DIXDC1: variants seen among roughly 807,000 people sequenced by gnomAD.
DIXDC1 encodes dixin.
Under a neutral mutation model 103.1 loss-of-function variants are expected in DIXDC1, and 64 were observed. That is an observed-to-expected ratio of 0.62 (90% CI 0.51 to 0.76). DIXDC1 has a LOEUF of 0.76. Ranked by LOEUF, DIXDC1 falls within the 30% of genes least tolerant of loss-of-function variation. The pLI is 0.00. For missense variants in DIXDC1, 759 were observed against 834.2 expected (o/e 0.91, Z 1.11); for synonymous variants, 266 against 298.5 (o/e 0.89, Z 1.12).
chr11:111,935,760 T>C (rs1966168408), upstream of DIXDC1, among the ~76,000 whole-genome samples: 1 of 152,228 alleles, frequency 6.6e-6, no homozygotes, highest in Non-Finnish European at 1.5e-5. Context: ...TGAAGGACAG[T>C]GGTCTTTGGA....
Position 111,952,074 on chromosome 11 carries a change from C to T in DIXDC1, c.61-12475C>T, listed in dbSNP as rs193299249. Reference sequence around the variant, plus strand: ...ACAGATGGGGTTTCACCATGTTGGGCAGGCTGGTCTTGAACTCCTGACCTC... The same window carrying T: ...ACAGATGGGGTTTCACCATGTTGGGTAGGCTGGTCTTGAACTCCTGACCTC... On this transcript the variant is annotated intron_variant, in intron 1 of 19. Transcript: ENST00000440460. Among the ~76,000 whole-genome samples the T allele has an allele frequency of 2.7e-3, 404 of 152,204 alleles. 4 individuals are homozygous for T. The highest frequency in any genetic ancestry group is 9.3e-3 in the African/African-American group (386 of 41,512).
intron 1 of DIXDC1, among the ~76,000 whole-genome samples, chr11:111,964,295 A>C (rs1859658861): frequency 6.6e-6 from 1 of 152,244 alleles, no homozygotes; most frequent in Non-Finnish European, 1.5e-5. Context: ...TCATCTGCTT[A>C]TGTGTGTCTA....
At chr11:111,962,709 G>A (rs1267187438) in intron 1 of DIXDC1, among the ~76,000 whole-genome samples, 2 of 152,186 alleles carry the variant, frequency 1.3e-5, no homozygotes, top group Non-Finnish European at 2.9e-5. Flanking sequence ...GCAGGAATGT[G>A]TGGAGGGTGG....
chr11:111,963,806 T>C (rs587604930), intron 1 of DIXDC1, among the ~76,000 whole-genome samples: 2 of 152,330 alleles, frequency 1.3e-5, no homozygotes, highest in East Asian at 3.9e-4. Context: ...TTTCTGATAA[T>C]ACTGGGCCCT....
In DIXDC1 at chr11:111,995,072, G is replaced by T. The variant is rs377409061; in HGVS notation, c.1491G>T (p.Thr497=). ...NSQSNGFLLP[T]AGKGATSVSN... ...AAAGCAATGGTTTTCTCCTTCCAAC[G>T]GCAGGAAAAGGAGCTACTTCAGTCA... Residue 497 remains threonine (T), a synonymous_variant, in exon 15 of 20, where the codon ACG becomes ACT. Coordinates refer to ENST00000440460, the MANE Select transcript of DIXDC1 (RefSeq NM_001037954.4). 6.2e-7 allele frequency: 1 copy of T among 1,613,684 alleles called. No individual in the cohort carries two copies. Among genetic ancestry groups the T allele is most frequent in the Non-Finnish European group, 8.5e-7 (1 of 1,179,888 alleles).
chr11:111,931,542 C>CTG (rs1367722417), intron 2 of DIXDC1, among the ~76,000 whole-genome samples: 1 of 151,758 alleles, frequency 6.6e-6, no homozygotes, highest in African/African-American at 2.4e-5. Flanking sequence ...GCTCGAGAGG[C>CTG]TGAGGCAGGA....
In DIXDC1 at chr11:111,986,896, A is replaced by G. The variant is rs1555173917; in HGVS notation, c.1034A>G (p.Gln345Arg). The G allele has an allele frequency of 1.9e-6, 3 of 1,576,054 alleles. No homozygotes were observed. Among genetic ancestry groups the G allele is most frequent in the South Asian group, 1.2e-5 (1 of 86,054 alleles). ...QLIIIQSRLD[Q>R]SMEENQDLKK... Reference sequence around the variant, plus strand: ...ATTATAATCCAAAGTCGTCTGGATCAGAGTATGGAGGAGAATCAGGACTTA... The same window carrying G: ...ATTATAATCCAAAGTCGTCTGGATCGGAGTATGGAGGAGAATCAGGACTTA... Residue 345 changes from glutamine (Q) to arginine (R), a missense_variant, in exon 9 of 20, where the codon CAG becomes CGG. Transcript: ENST00000440460.
chr11:112,005,878 G>A (rs1354690165), intron 17 of DIXDC1, among the ~76,000 whole-genome samples: 2 of 152,214 alleles, frequency 1.3e-5, no homozygotes, highest in Admixed American at 6.5e-5. Context: ...GGTGGCTTAT[G>A]ACTATAATCC....
chr11:111,949,724 C>T lies in DIXDC1; in HGVS notation c.60+12165C>T, dbSNP rs1293952594. 2.0e-4 allele frequency among the ~76,000 whole-genome samples: 31 copies of T among 152,242 alleles called. No homozygotes were observed. The South Asian group carries it at 2.1e-3, about 10-fold the overall frequency. On this transcript the variant is annotated intron_variant, in intron 1 of 19. Coordinates refer to ENST00000440460, the MANE Select transcript of DIXDC1 (RefSeq NM_001037954.4). ...AACATTATCACCTGCTCCGCCCACACGCTACCCCCTCAACTGGCTGTTCCT... is the reference window on the plus strand; with the variant it reads ...AACATTATCACCTGCTCCGCCCACATGCTACCCCCTCAACTGGCTGTTCCT...
chr11:111,960,333 C>T (rs1356249516), intron 1 of DIXDC1, among the ~76,000 whole-genome samples: 2 of 151,640 alleles, frequency 1.3e-5, no homozygotes, highest in Admixed American at 6.6e-5. Context: ...CAGTGGCTCA[C>T]GCCTGTAATC....
chr11:112,010,663 C>T (rs1163778370), intron 17 of DIXDC1, among the ~76,000 whole-genome samples: 1 of 152,248 alleles, frequency 6.6e-6, no homozygotes, highest in East Asian at 1.9e-4. Context: ...TTACAACCAT[C>T]TGATCTTTGA....
At chr11:111,964,416 C>T (rs1859662527) in intron 1 of DIXDC1, 133 bp from the exon 2 acceptor site, 3 of 976,034 alleles carry the variant, frequency 3.1e-6, no homozygotes, top group African/African-American at 3.3e-5. Flanking sequence ...TCTCTCTTTC[C>T]TCAAAAATTT....
At chr11:111,959,717 T>C (rs971795920) in intron 1 of DIXDC1, among the ~76,000 whole-genome samples, 40 of 152,228 alleles carry the variant, frequency 2.6e-4, no homozygotes, top group African/African-American at 9.4e-4. Context: ...ACTGTGCTTA[T>C]GTAAGATGTA....
chr11:111,961,942 C>A (rs901350810), intron 1 of DIXDC1, among the ~76,000 whole-genome samples: 7 of 152,184 alleles, frequency 4.6e-5, no homozygotes, highest in Non-Finnish European at 8.8e-5. Context: ...CTTCAGGAGA[C>A]CCTCTGAAGC....
At chr11:111,941,631 C>T (rs781960857) in intron 1 of DIXDC1, among the ~76,000 whole-genome samples, 5 of 151,562 alleles carry the variant, frequency 3.3e-5, no homozygotes, top group Non-Finnish European at 7.4e-5. Context: ...GCCTGGGCAA[C>T]GTGGTGAGAC....
At chr11:111,930,258 C>T (rs1202363500) in intron 2 of DIXDC1, among the ~76,000 whole-genome samples, 5 of 151,786 alleles carry the variant, frequency 3.3e-5, no homozygotes, top group Non-Finnish European at 5.9e-5. Context: ...AAATGCAAAC[C>T]GTAATTCTCC....
chr11:111,989,179 G>A (rs1860606274), intron 10 of DIXDC1, 124 bp downstream of exon 10: 2 of 707,612 alleles, frequency 2.8e-6, no homozygotes, highest in East Asian at 3.0e-5. Context: ...GGTAAAGAAA[G>A]GGCTTTGTGG....
At position 112,002,601 on chromosome 11, in the gene DIXDC1, G is replaced by A. The variant is rs1861104923; in HGVS notation, c.1756+6455G>A. ...AGCTCAGGAGTTCGAGATCAGCCTGGGCAACAGAGCAAGACCTTGTCTCTA... is the reference window on the plus strand; with the variant it reads ...AGCTCAGGAGTTCGAGATCAGCCTGAGCAACAGAGCAAGACCTTGTCTCTA... On this transcript the variant is annotated intron_variant, in intron 17 of 19. Coordinates refer to ENST00000440460, the MANE Select transcript of DIXDC1 (RefSeq NM_001037954.4). 1.3e-5 allele frequency among the ~76,000 whole-genome samples: 2 copies of A among 152,120 alleles called. 1 individual carries two copies. Among genetic ancestry groups the A allele is most frequent in the Admixed American group, 1.3e-4 (2 of 15,270 alleles).
rs1861783783 is a variant in DIXDC1, at chr11:112,022,302, CCTT to C, written c.*3269_*3271del. On this transcript the variant is annotated 3_prime_UTR_variant, in exon 20 of 20. Coordinates refer to ENST00000440460, the MANE Select transcript of DIXDC1 (RefSeq NM_001037954.4). The surrounding 1 kb of genome is among the most constrained non-coding windows in gnomAD (Gnocchi z 4.9). ...AAAATAAGCATTATGATTGCACACT[CCTT>C]CTACTGTCTGAATTTATGTAAGAGG... is the stretch of plus-strand genomic sequence containing the variant. The C allele has an allele frequency of 6.6e-6, 1 of 152,192 alleles. No individual in the cohort carries two copies. Among genetic ancestry groups the C allele is most frequent in the African/African-American group, 2.4e-5 (1 of 41,458 alleles). The allele number at this position is 152,192 out of a possible 1,614,324, so 9.4% of individuals were successfully genotyped here.
Sources: gnomAD v4.1 joint callset for allele counts (sites outside exome capture counted in the v4.1 genomes callset) on GRCh38, gnomAD v4.1.1 for gene constraint, Gnocchi (gnomAD v3.1) non-coding constraint, MANE v1.5 for transcripts, NCBI Gene and HGNC (gene_info 2026-07-23, HGNC 2026-07-21) for gene names.